Variants in LECT2 observed in about 807,000 individuals in gnomAD.
LECT2 encodes the protein leukocyte cell derived chemotaxin 2, also known as leukocyte cell-derived chemotaxin-2.
LECT2 carries 11 observed loss-of-function variants against 16.6 expected under a neutral mutation model. That is an observed-to-expected ratio of 0.66 (90% CI 0.42 to 1.09). LECT2 has a LOEUF of 1.09. Ranked by LOEUF, LECT2 falls within the 50% of genes least tolerant of loss-of-function variation. The pLI, the probability that LECT2 is intolerant of heterozygous loss-of-function variation, is 0.00. For synonymous variants in LECT2, 54 were observed against 64.8 expected (o/e 0.83, Z 0.80); for missense variants, 173 against 184.2 (o/e 0.94, Z 0.35).
rs1410400355 is a variant in LECT2, at chr5:135,947,050, C to T, written c.*281G>A. 8 of 228,806 alleles carry T rather than the reference C, an allele frequency of 3.5e-5. No homozygotes were observed. In the South Asian group the frequency reaches 8.8e-4, roughly 25 times the overall value. The allele number at this position is 228,806 out of a possible 1,614,324, so 14.2% of individuals were successfully genotyped here. The stretch of plus-strand genomic sequence containing the variant: ...CATCAGAGTGACAATGAGTTAAAAT[C>T]AAAATGTTTTCTTTCTTGCATTTAT... On this transcript the variant is annotated 3_prime_UTR_variant, in exon 4 of 4. Coordinates refer to ENST00000274507, the MANE Select transcript of LECT2 (RefSeq NM_002302.3).
chr5:135,953,384 T>G (rs941611095), intron 1 of LECT2, among the ~76,000 whole-genome samples: 2 of 152,106 alleles, frequency 1.3e-5, no homozygotes, highest in African/African-American at 2.4e-5. Flanking sequence ...GTATTTTTAG[T>G]AGAGACGGAG....
At chr5:135,949,182 G>A (rs1763753650) in intron 3 of LECT2, among the ~76,000 whole-genome samples, 1 of 152,180 alleles carries the variant, frequency 6.6e-6, no homozygotes, top group African/African-American at 2.4e-5. Context: ...TCATTGATTG[G>A]AGGACTCACT....
intron 3 of LECT2, among the ~76,000 whole-genome samples, chr5:135,949,143 G>C (rs548133599): frequency 6.6e-6 from 1 of 152,318 alleles, no homozygotes; most frequent in African/African-American, 2.4e-5. Context: ...AGTGAAGGAA[G>C]ACCTAAGTAA....
Position 135,948,975 on chromosome 5 carries a change from G to A in LECT2, c.290-1478C>T, listed in dbSNP as rs1011617884. ...CAGGCACGAGCCACCGTGCCCAGCC[G>A]AAAATTTAAAATTATATATATGACT... On this transcript the variant is annotated intron_variant, in intron 3 of 3. Coordinates refer to ENST00000274507, the MANE Select transcript of LECT2 (RefSeq NM_002302.3). 3.9e-5 allele frequency among the ~76,000 whole-genome samples: 6 copies of A among 152,180 alleles called. No homozygotes were observed. In the East Asian group the frequency reaches 5.8e-4, roughly 15 times the overall value.
Position 135,947,259 on chromosome 5 carries a change from T to TG in LECT2, c.*71dup, listed in dbSNP as rs1364152656. Reference sequence around the variant, plus strand: ...TTTTCCTTTGTGAACACAAATTTCTTGAAGAGAAGGGTATGCATCCAGGTT... The same window carrying TG: ...TTTTCCTTTGTGAACACAAATTTCTTGGAAGAGAAGGGTATGCATCCAGGTT... On this transcript the variant is annotated 3_prime_UTR_variant, in exon 4 of 4. Transcript: ENST00000274507. 6.0e-5 allele frequency: 85 copies of TG among 1,424,496 alleles called. No homozygotes were observed. Among genetic ancestry groups the TG allele is most frequent in the Non-Finnish European group, 7.9e-5 (82 of 1,032,348 alleles). 88.2% of individuals were successfully genotyped at this position (1,424,496 alleles called of 1,614,324 possible). A position where few individuals can be genotyped will look rare whatever the true frequency, so the allele number is the denominator to read the frequency against.
chr5:135,954,545 A>G (rs1339043092), intron 1 of LECT2, among the ~76,000 whole-genome samples: 1 of 152,222 alleles, frequency 6.6e-6, no homozygotes, highest in Non-Finnish European at 1.5e-5. Flanking sequence ...ACTCAGACTG[A>G]AAGGCTTTGT....
chr5:135,948,026 AT>A (rs367703525), intron 3 of LECT2, among the ~76,000 whole-genome samples: 1 of 152,340 alleles, frequency 6.6e-6, no homozygotes, highest in African/African-American at 2.4e-5. Context: ...GCAAACCCCA[AT>A]TGAATGCTGT....
rs139406857 is a variant in LECT2 at position 135,954,788 on chromosome 5, C to T, written c.46G>A (p.Ala16Thr). The change falls in exon 1 of 4, where the codon GCA becomes ACA. Residue 16 changes from alanine to threonine, a missense_variant and splice_region_variant. Physicochemically the swap from Ala to Thr is moderately conservative, Grantham distance 58. Transcript: ENST00000274507. ...TTCTAAAATTGCACTTTCGACTTAC[C>T]GGTAGAAATCAGACCAGCCAAAAGG... ...ALLLAGLIST[A>T]LAGPWANICA... 223 of 1,610,036 alleles carry T rather than the reference C, an allele frequency of 1.4e-4. No individual in the cohort carries two copies. The highest frequency in any genetic ancestry group is 1.7e-4 in the Non-Finnish European group (201 of 1,176,768).
intron 3 of LECT2, among the ~76,000 whole-genome samples, chr5:135,948,995 ATG>A (rs1406692422): frequency 6.6e-6 from 1 of 152,156 alleles, no homozygotes; most frequent in Non-Finnish European, 1.5e-5. Flanking sequence ...AATTATATAT[ATG>A]ACTTCTGTTA....
At chr5:135,947,635 T>A in intron 3 of LECT2, 138 bp from the exon 4 acceptor site, 1 of 1,021,698 alleles carries the variant, frequency 9.8e-7, no homozygotes, top group South Asian at 2.5e-5. Flanking sequence ...AATGACAAAA[T>A]GATATTAAAA....
intron 3 of LECT2, among the ~76,000 whole-genome samples, chr5:135,950,314 C>T (rs558303092): frequency 1.3e-5 from 2 of 152,260 alleles, no homozygotes; most frequent in African/African-American, 2.4e-5. Flanking sequence ...ACTGCATAAT[C>T]ACGATGTGGA....
rs1206133912 is a variant in LECT2, at chr5:135,947,061, C to T, written c.*270G>A. On this transcript the variant is annotated 3_prime_UTR_variant, in exon 4 of 4. Transcript: ENST00000274507. ...CAATGAGTTAAAATCAAAATGTTTT[C>T]TTTCTTGCATTTATCATGTTTCTAT... 2 of 253,792 alleles carry T rather than the reference C, an allele frequency of 7.9e-6. No individual in the cohort carries two copies. Among genetic ancestry groups the T allele is most frequent in the Non-Finnish European group, 7.4e-6 (1 of 134,322 alleles). 15.7% of individuals were successfully genotyped at this position (253,792 alleles called of 1,614,324 possible).
intron 3 of LECT2, among the ~76,000 whole-genome samples, chr5:135,949,105 T>G (rs31523): frequency 0.34 from 51,499 of 152,112 alleles, 8,960 homozygotes; most frequent in Admixed American, 0.42. Flanking sequence ...ACCTCTACAC[T>G]GAAAACTACA....
intron 2 of LECT2, 94 bp from the exon 3 acceptor site, chr5:135,951,462 G>A: frequency 8.1e-7 from 1 of 1,228,734 alleles, no homozygotes. Flanking sequence ...TTGCAGACGA[G>A]GTACCAAAGC....
chr5:135,947,232 A>AT lies in LECT2; in HGVS notation c.*98dup, dbSNP rs1243537460. 1.4e-5 allele frequency: 16 copies of AT among 1,139,102 alleles called. No individual in the cohort carries two copies. Among genetic ancestry groups the AT allele is most frequent in the Admixed American group, 2.0e-5 (1 of 49,284 alleles). 70.6% of individuals were successfully genotyped at this position (1,139,102 alleles called of 1,614,324 possible). ...AAATGGGGTATCCATCCCTTCATGC[A>AT]TTTTTCCTTTGTGAACACAAATTTC... is the stretch of plus-strand genomic sequence containing the variant. On this transcript the variant is annotated 3_prime_UTR_variant, in exon 4 of 4. Coordinates refer to ENST00000274507, the MANE Select transcript of LECT2 (RefSeq NM_002302.3).
At chr5:135,949,173 C>G (rs1236442824) in intron 3 of LECT2, among the ~76,000 whole-genome samples, 1 of 152,096 alleles carries the variant, frequency 6.6e-6, no homozygotes, top group Admixed American at 6.6e-5. Flanking sequence ...ATAATATGTT[C>G]ATTGATTGGA....
intron 1 of LECT2, among the ~76,000 whole-genome samples, chr5:135,954,154 CT>C (rs1763830382): frequency 6.6e-6 from 1 of 152,202 alleles, no homozygotes; most frequent in African/African-American, 2.4e-5. Context: ...ACATTTTACT[CT>C]TCATTAATAC....
Position 135,947,079 on chromosome 5 carries a change from G to A in LECT2, c.*252C>T, listed in dbSNP as rs114576929. ...ATGTTTTCTTTCTTGCATTTATCAT[G>A]TTTCTATTTAAACTCAAATTTCCTT... On this transcript the variant is annotated 3_prime_UTR_variant, in exon 4 of 4. Coordinates refer to ENST00000274507, the MANE Select transcript of LECT2 (RefSeq NM_002302.3). The A allele has an allele frequency of 4.6e-3, 1,390 of 301,240 alleles. 20 individuals are homozygous for A. The highest frequency in any genetic ancestry group is 0.027 in the African/African-American group (1,284 of 46,780). The allele number at this position is 301,240 out of a possible 1,614,324, so 18.7% of individuals were successfully genotyped here.
chr5:135,953,051 C>T (rs1276119159), intron 1 of LECT2, 84 bp from the exon 2 acceptor site: 6 of 831,518 alleles, frequency 7.2e-6, no homozygotes, highest in African/African-American at 3.4e-5. Context: ...ACAGTTGATC[C>T]TGACAATTCT....
Sources: allele counts gnomAD v4.1 joint callset (sites outside exome capture counted in the v4.1 genomes callset), GRCh38; gene constraint gnomAD v4.1.1; transcripts MANE v1.5; gene names NCBI Gene and HGNC (gene_info 2026-07-23, HGNC 2026-07-21).